GMDS: variants seen among roughly 807,000 people sequenced by gnomAD.
The protein encoded by GMDS is GDP-mannose 4,6-dehydratase, also known as GDP-mannose 4,6 dehydratase.
In GMDS, 20 loss-of-function variants were observed where a neutral mutation model predicts 49.9. The ratio of observed to expected loss-of-function variants is 0.40; its 90% CI spans 0.28 to 0.58. The LOEUF (loss-of-function observed/expected upper bound fraction) is 0.58, where lower values mean the gene tolerates loss of function less well. Among genes scored for constraint, GMDS ranks in the 20% least tolerant of loss-of-function variants. The probability of loss-of-function intolerance (pLI) is 0.42; values close to 1 mark genes in which losing one functional copy is unlikely to be tolerated. For missense variants in GMDS, 362 were observed against 481.4 expected (o/e 0.75, Z 2.32); for synonymous variants, 177 against 178.6 (o/e 0.99, Z 0.07).
chr6:2,170,537 G>A (rs1463736880), intron 1 of GMDS, among the ~76,000 whole-genome samples: 2 of 151,876 alleles, frequency 1.3e-5, no homozygotes, highest in Non-Finnish European at 1.5e-5. Flanking sequence ...TGACGTGGGA[G>A]GATCACTTGA....
intron 1 of GMDS, among the ~76,000 whole-genome samples, chr6:2,207,655 G>A (rs1779862643): frequency 6.6e-6 from 1 of 151,944 alleles, no homozygotes; most frequent in Non-Finnish European, 1.5e-5. Flanking sequence ...CCTAGCAGAT[G>A]CTCAGTAAAT....
intron 4 of GMDS, among the ~76,000 whole-genome samples, chr6:1,989,846 T>C (rs1208442272): frequency 6.6e-6 from 1 of 152,250 alleles, no homozygotes; most frequent in African/African-American, 2.4e-5. Flanking sequence ...GATACGCCCT[T>C]GGGGCCAGGC....
At chr6:2,091,816 T>C (rs1464600804) in intron 4 of GMDS, among the ~76,000 whole-genome samples, 1 of 151,534 alleles carries the variant, frequency 6.6e-6, no homozygotes, top group Non-Finnish European at 1.5e-5. Context: ...GGTGGGAGGA[T>C]CCTTTGAGCC....
Position 1,623,901 on chromosome 6 carries a change from T to C in GMDS, c.*268A>G. 2.2e-6 allele frequency: 1 copy of C among 464,878 alleles called. No homozygotes were observed. Among genetic ancestry groups the C allele is most frequent in the South Asian group, 4.5e-5 (1 of 22,126 alleles). The allele number at this position is 464,878 out of a possible 1,614,324, so 28.8% of individuals were successfully genotyped here. A position where few individuals can be genotyped will look rare whatever the true frequency, so the allele number is the denominator to read the frequency against. On this transcript the variant is annotated 3_prime_UTR_variant, in exon 11 of 11. Coordinates refer to ENST00000380815, the MANE Select transcript of GMDS (RefSeq NM_001500.4). ...TGTAACAACATAATTTCAAGTAAAG[T>C]GAATGTGATTAAAACATCTTGATTT...
intron 9 of GMDS, among the ~76,000 whole-genome samples, chr6:1,677,233 C>T (rs1041989322): frequency 1.3e-5 from 2 of 152,154 alleles, no homozygotes; most frequent in African/African-American, 4.8e-5. Context: ...CAATGAGATA[C>T]CATCTCACAC....
intron 9 of GMDS, among the ~76,000 whole-genome samples, chr6:1,725,079 C>T (rs1231498044): frequency 6.6e-6 from 1 of 152,066 alleles, no homozygotes; most frequent in Non-Finnish European, 1.5e-5. Context: ...CTAACCTCTC[C>T]AAGGTTGAAC....
At chr6:1,726,561 T>C (rs1278639771) in intron 8 of GMDS, 49 bp from the exon 9 acceptor site, 3 of 1,390,758 alleles carry the variant, frequency 2.2e-6, no homozygotes, top group Non-Finnish European at 2.0e-6. Flanking sequence ...TTGGGAACAT[T>C]TGGCCATGCT....
At chr6:1,647,527 T>C (rs1488573044) in intron 9 of GMDS, among the ~76,000 whole-genome samples, 1 of 152,230 alleles carries the variant, frequency 6.6e-6, no homozygotes, top group African/African-American at 2.4e-5. Flanking sequence ...AAGAGATATA[T>C]TTTGAGTACT....
chr6:1,678,518 T>A (rs1022501981), intron 9 of GMDS, among the ~76,000 whole-genome samples: 5 of 152,140 alleles, frequency 3.3e-5, no homozygotes, highest in African/African-American at 1.2e-4. Context: ...GGGGGCTGAG[T>A]GACAACTTCC....
At chr6:1,840,973 A>G (rs1290750426) in intron 7 of GMDS, among the ~76,000 whole-genome samples, 1 of 152,224 alleles carries the variant, frequency 6.6e-6, no homozygotes, top group Non-Finnish European at 1.5e-5. Context: ...ACAAACAAAC[A>G]GGACAGACGG....
chr6:1,840,833 A>C (rs1757123059), intron 7 of GMDS, among the ~76,000 whole-genome samples: 1 of 152,252 alleles, frequency 6.6e-6, no homozygotes, highest in Non-Finnish European at 1.5e-5. Flanking sequence ...GGGTAATCTC[A>C]ACAAACAGCG....
intron 7 of GMDS, among the ~76,000 whole-genome samples, chr6:1,853,807 A>G (rs1054261162): frequency 6.6e-6 from 1 of 152,250 alleles, no homozygotes; most frequent in Non-Finnish European, 1.5e-5. Flanking sequence ...TATCAATTCT[A>G]TGTGGATCAA....
At chr6:1,746,457 T>C (rs1459520530) in intron 7 of GMDS, among the ~76,000 whole-genome samples, 1 of 152,194 alleles carries the variant, frequency 6.6e-6, no homozygotes, top group East Asian at 1.9e-4. Context: ...AACATAAAAA[T>C]GTCCCTTAAT....
intron 8 of GMDS, among the ~76,000 whole-genome samples, chr6:1,730,816 T>A (rs1766771481): frequency 6.6e-6 from 1 of 152,184 alleles, no homozygotes; most frequent in Non-Finnish European, 1.5e-5. Flanking sequence ...AGTAGCTTTT[T>A]AGGCCCCCCA....
chr6:1,654,368 T>C (rs895467311), intron 9 of GMDS, among the ~76,000 whole-genome samples: 1 of 152,180 alleles, frequency 6.6e-6, no homozygotes, highest in African/African-American at 2.4e-5. Context: ...TAAGTGTCCG[T>C]TGACAGATTA....
chr6:1,727,374 T>C (rs1285772405), intron 8 of GMDS, among the ~76,000 whole-genome samples: 1 of 152,230 alleles, frequency 6.6e-6, no homozygotes, highest in Non-Finnish European at 1.5e-5. Context: ...AATGGTAACG[T>C]CTGGATGTCT....
At chr6:2,124,836 A>C (rs1486234754) in intron 1 of GMDS, 105 bp from the exon 2 acceptor site, 5 of 771,576 alleles carry the variant, frequency 6.5e-6, no homozygotes, top group African/African-American at 3.4e-5. Context: ...ACCTAACTTA[A>C]GGACAATGGC....
intron 4 of GMDS, among the ~76,000 whole-genome samples, chr6:1,968,397 G>T (rs56088507): frequency 6.6e-6 from 1 of 152,142 alleles, no homozygotes; most frequent in Admixed American, 6.5e-5. Flanking sequence ...GTCACACATT[G>T]TGACTCTTTT....
chr6:2,074,868 C>T (rs1358102709), intron 4 of GMDS, among the ~76,000 whole-genome samples: 1 of 152,030 alleles, frequency 6.6e-6, no homozygotes, highest in African/African-American at 2.4e-5. Context: ...ATGTGGATAT[C>T]CAATTTTCCC....
Sources: gnomAD v4.1 joint callset for allele counts (sites outside exome capture counted in the v4.1 genomes callset) on GRCh38, gnomAD v4.1.1 for gene constraint, MANE v1.5 for transcripts, NCBI Gene and HGNC (gene_info 2026-07-23, HGNC 2026-07-21) for gene names.